The following KCNAB3 variants were observed in gnomAD, a reference collection of about 807,000 sequenced individuals.
KCNAB3 encodes the protein potassium voltage-gated channel subfamily A regulatory beta subunit 3.
In KCNAB3, 62 loss-of-function variants were observed where a neutral mutation model predicts 67.7. The observed-to-expected ratio is 0.92, with a 90% CI of 0.75 to 1.13. The LOEUF is 1.13. Among genes scored for constraint, KCNAB3 ranks in the 50% most tolerant of loss-of-function variants. The pLI, the probability that KCNAB3 is intolerant of heterozygous loss-of-function variation, is 0.00. For missense variants in KCNAB3, 514 were observed against 522.9 expected (o/e 0.98, Z 0.17); for synonymous variants, 212 against 205.4 (o/e 1.03, Z -0.27).
At position 7,929,283 on chromosome 17, in the gene KCNAB3, G is replaced by T; in HGVS notation, c.153C>A (p.Pro51=). The T allele has an allele frequency of 6.3e-7, 1 of 1,592,800 alleles. No individual in the cohort carries two copies. The highest frequency in any genetic ancestry group is 8.5e-7 in the Non-Finnish European group (1 of 1,170,392). ...GGGGAACCAGTGCAGCTCGGGCCTTGGGGCCAGACCCTCCACCCCCCGGAG... is the reference window on the plus strand; with the variant it reads ...GGGGAACCAGTGCAGCTCGGGCCTTTGGGCCAGACCCTCCACCCCCCGGAG... ...GNPPGGGGSG[P]KARAALVPRP... The change falls in exon 1 of 14, where the codon CCC becomes CCA. Residue 51 remains proline (P), a synonymous_variant. Transcript: ENST00000303790. The surrounding 1 kb of genome is among the most constrained non-coding windows in gnomAD (Gnocchi z 5.7).
chr17:7,925,865 C>CCCCCCAA, intron 6 of KCNAB3, 66 bp downstream of exon 6: 1 of 1,463,016 alleles, frequency 6.8e-7, no homozygotes, highest in African/African-American at 1.4e-5. Flanking sequence ...TCCCCACCCC[C>CCCCCCAA]ACCCCATACA....
chr17:7,927,601 C>T, intron 3 of KCNAB3, 56 bp downstream of exon 3: 1 of 1,606,706 alleles, frequency 6.2e-7, no homozygotes, highest in Non-Finnish European at 8.5e-7. Context: ...GTTCACTTCC[C>T]TTTTTTCAAG....
chr17:7,924,056 C>G lies in KCNAB3; in HGVS notation c.839G>C (p.Gly280Ala). 1 of 1,614,118 alleles carries G rather than the reference C, an allele frequency of 6.2e-7. No homozygotes were observed. The highest frequency in any genetic ancestry group is 8.5e-7 in the Non-Finnish European group (1 of 1,180,020). The change falls in exon 11 of 14, where the codon GGA becomes GCA. Residue 280 changes from glycine to alanine, a missense_variant. By Grantham distance (60) the Gly-to-Ala change is moderately conservative. Coordinates refer to ENST00000303790, the MANE Select transcript of KCNAB3 (RefSeq NM_004732.4). ...LPELYHKIGV[G>A]SVTWYPLACG... ...GGCTAGAGGGTACCAAGTGACTGAT[C>G]CAACTCCTAAGGGAAGAACACTGGG...
chr17:7,929,462 GCTCCGA>G lies in KCNAB3; in HGVS notation c.-33_-28del. ...CTGGCTGGCCGAGGCGGGGGAGGGG[GCTCCGA>G]GGGGACGGGAGGGGGGAGCAGGGAA... On this transcript the variant is annotated 5_prime_UTR_variant, in exon 1 of 14. Coordinates refer to ENST00000303790, the MANE Select transcript of KCNAB3 (RefSeq NM_004732.4). This position sits in a 1 kb window ranked among gnomAD's most constrained non-coding sequence, Gnocchi z 5.7. 1 of 1,516,918 alleles carries G rather than the reference GCTCCGA, an allele frequency of 6.6e-7. No individual in the cohort carries two copies. Among genetic ancestry groups the G allele is most frequent in the Non-Finnish European group, 8.9e-7 (1 of 1,124,386 alleles). 94.0% of individuals were successfully genotyped at this position (1,516,918 alleles called of 1,614,324 possible).
In KCNAB3 at chr17:7,924,233, C is replaced by G. The variant is rs753388080; in HGVS notation, c.744G>C (p.Leu248=). The G allele has an allele frequency of 9.3e-6, 15 of 1,614,178 alleles. No homozygotes were observed. Among genetic ancestry groups the G allele is most frequent in the Non-Finnish European group, 1.2e-5 (14 of 1,180,026 alleles). ...CCGCTTGTTCACACACTGGAGGAAT[C>G]AGATTGAACTGTCTGGCCATGGAGT... ...EAYSMARQFN[L]IPPVCEQAEH... is the part of the protein sequence containing the mutation. The change falls in exon 10 of 14, where the codon CTG becomes CTC. Residue 248 remains leucine, a synonymous_variant. Transcript: ENST00000303790.
In KCNAB3 at chr17:7,929,139, C is replaced by G. The variant is rs531918936; in HGVS notation, c.242+55G>C. On this transcript the variant is annotated intron_variant, in intron 1 of 13. Transcript: ENST00000303790. The surrounding 1 kb of genome is among the most constrained non-coding windows in gnomAD (Gnocchi z 5.7). ...GGTCTTGGCGGCCATCTCAAGCAGT[C>G]TCAGGGGTCCCGAAAGGAAAGCGGA... The G allele has an allele frequency of 2.0e-5, 32 of 1,600,720 alleles. No individual in the cohort carries two copies. The African/African-American group carries it at 2.4e-4, about 12-fold the overall frequency.
intron 13 of KCNAB3, 126 bp from the exon 14 acceptor site, chr17:7,923,305 C>CGGGGGG (rs1181826618): frequency 5.6e-6 from 7 of 1,247,582 alleles, no homozygotes; most frequent in Admixed American, 1.8e-5. Context: ...GCAGCTGTGC[C>CGGGGGG]GGTGCCTCGC....
intron 8 of KCNAB3, chr17:7,924,800 T>C: frequency 1.2e-6 from 1 of 822,670 alleles, no homozygotes. Flanking sequence ...TGTAGTTCAG[T>C]GGTGCAATCA....
rs1179192166 is a variant in KCNAB3, at chr17:7,929,615, G to C, written c.-180C>G. 1.3e-5 allele frequency: 19 copies of C among 1,431,832 alleles called. No homozygotes were observed. Among genetic ancestry groups the C allele is most frequent in the African/African-American group, 1.5e-5 (1 of 67,974 alleles). 88.7% of individuals were successfully genotyped at this position (1,431,832 alleles called of 1,614,324 possible). A position where few individuals can be genotyped will look rare whatever the true frequency, so the allele number is the denominator to read the frequency against. On this transcript the variant is annotated 5_prime_UTR_variant, in exon 1 of 14. Coordinates refer to ENST00000303790, the MANE Select transcript of KCNAB3 (RefSeq NM_004732.4). The surrounding 1 kb of genome is among the most constrained non-coding windows in gnomAD (Gnocchi z 5.7). ...CCGCGGGGGCGGGCTGCTGGAGGTC[G>C]CGAGGTTTGCGGCGGGAGGGAAGAA...
Position 7,923,735 on chromosome 17 carries a change from A to G in KCNAB3, c.1024T>C (p.Cys342Arg), listed in dbSNP as rs1260978971. The change falls in exon 12 of 14, where the codon TGC becomes CGC. Residue 342 changes from cysteine (C) to arginine (R), a missense_variant. Transcript: ENST00000303790. ...DLLPVAHQLGCTVAQLAIAWC... is the reference protein window; with the variant it reads ...DLLPVAHQLGRTVAQLAIAWC... ...CCAATAGCAAGCTGGGCCACGGTGC[A>G]GCCCAGCTGGTGAGCGACAGGAAGA... is the stretch of plus-strand genomic sequence containing the variant. 3.2e-6 allele frequency: 5 copies of G among 1,566,968 alleles called. No individual in the cohort carries two copies. The highest frequency in any genetic ancestry group is 4.3e-6 in the Non-Finnish European group (5 of 1,154,948).
chr17:7,924,689 G>T, intron 8 of KCNAB3, 189 bp from the exon 9 acceptor site: 1 of 1,363,820 alleles, frequency 7.3e-7, no homozygotes, highest in South Asian at 2.0e-5. Flanking sequence ...AGTTTTGGAG[G>T]CCTTCTGAGC....
chr17:7,926,223 C>T (rs780195384), intron 4 of KCNAB3, 120 bp from the exon 5 acceptor site: 2 of 1,098,500 alleles, frequency 1.8e-6, no homozygotes, highest in Admixed American at 4.1e-5. Context: ...TTTCAGCTCA[C>T]AGCCCCATCC....
In KCNAB3 at chr17:7,929,062, G is replaced by C; in HGVS notation, c.242+132C>G. 1 of 1,359,118 alleles carries C rather than the reference G, an allele frequency of 7.4e-7. No individual in the cohort carries two copies. The highest frequency in any genetic ancestry group is 2.5e-5 in the East Asian group (1 of 40,364). 84.2% of individuals were successfully genotyped at this position (1,359,118 alleles called of 1,614,324 possible). On this transcript the variant is annotated intron_variant, in intron 1 of 13. Transcript: ENST00000303790. The surrounding 1 kb of genome is among the most constrained non-coding windows in gnomAD (Gnocchi z 5.7). ...AGGGACAAAGTGAGGGAGTGCCAGAGACAGAAAGAAGAGATGGAAAGAAGG... is the reference window on the plus strand; with the variant it reads ...AGGGACAAAGTGAGGGAGTGCCAGACACAGAAAGAAGAGATGGAAAGAAGG...
intron 7 of KCNAB3, 26 bp downstream of exon 7, chr17:7,925,657 T>C (rs757010880): frequency 1.9e-6 from 3 of 1,613,146 alleles, no homozygotes; most frequent in Non-Finnish European, 2.5e-6. Context: ...TCCCCTCACT[T>C]TGGGTTTCCA....
intron 1 of KCNAB3, among the ~76,000 whole-genome samples, chr17:7,928,518 G>A (rs767712315): frequency 6.6e-6 from 1 of 152,046 alleles, no homozygotes; most frequent in African/African-American, 2.4e-5. Context: ...ATATAGAGGG[G>A]ATCAGATTCC....
Position 7,922,952 on chromosome 17 carries a change from TCACTACTCGAAG to T in KCNAB3, c.*138_*149del. The T allele has an allele frequency of 1.4e-6, 1 of 705,552 alleles. No homozygotes were observed. The highest frequency in any genetic ancestry group is 2.5e-6 in the Non-Finnish European group (1 of 394,532). The allele number at this position is 705,552 out of a possible 1,614,324, so 43.7% of individuals were successfully genotyped here. On this transcript the variant is annotated 3_prime_UTR_variant, in exon 14 of 14. Transcript: ENST00000303790. ...AAGGATATGGCTTTGTTCATGCGTA[TCACTACTCGAAG>T]CCGGGACTCGTTGGTGGGCGGGGCT...
Position 7,925,139 on chromosome 17 carries a change from T to C in KCNAB3, c.583A>G (p.Ile195Val). Reference protein sequence around the residue: ...LERLQLGYVDIVFANRSDPNC... With the variant: ...LERLQLGYVDVVFANRSDPNC... ...GGGTCTGAGCGATTGGCAAAGACAA[T>C]GTCCACGTATCCCAGCTGGAGGCGT... The change falls in exon 8 of 14, where the codon ATT becomes GTT. Residue 195 changes from isoleucine (I) to valine (V), a missense_variant. By Grantham distance (29) the Ile-to-Val change is conservative. Coordinates refer to ENST00000303790, the MANE Select transcript of KCNAB3 (RefSeq NM_004732.4). The C allele has an allele frequency of 1.2e-6, 2 of 1,613,724 alleles. No homozygotes were observed. Among genetic ancestry groups the C allele is most frequent in the Non-Finnish European group, 1.7e-6 (2 of 1,179,794 alleles).
chr17:7,927,378 G>C lies in KCNAB3; in HGVS notation c.370C>G (p.Leu124Val). ...GCGTACACTTCGGCGGTGTCAAACAGGTTTACACCATGCTCATAGGCTACA... is the reference window on the plus strand; with the variant it reads ...GCGTACACTTCGGCGGTGTCAAACACGTTTACACCATGCTCATAGGCTACA... ...LTVAYEHGVN[L>V]FDTAEVYAAG... Residue 124 changes from leucine (L) to valine (V), a missense_variant, in exon 4 of 14, where the codon CTG (leucine) becomes GTG (valine). Transcript: ENST00000303790. The C allele has an allele frequency of 6.2e-7, 1 of 1,613,940 alleles. No individual in the cohort carries two copies. Among genetic ancestry groups the C allele is most frequent in the South Asian group, 1.1e-5 (1 of 91,082 alleles).
At chr17:7,924,536 A>C (rs900461176) in intron 8 of KCNAB3, 36 bp from the exon 9 acceptor site, 18 of 1,579,368 alleles carry the variant, frequency 1.1e-5, no homozygotes, top group Non-Finnish European at 1.5e-5. Context: ...TTACTGTCAG[A>C]GCCCTGGAAT....
Sources: allele counts gnomAD v4.1 joint callset (sites outside exome capture counted in the v4.1 genomes callset), GRCh38; gene constraint gnomAD v4.1.1; non-coding constraint Gnocchi (gnomAD v3.1); transcripts MANE v1.5; gene names NCBI Gene and HGNC (gene_info 2026-07-23, HGNC 2026-07-21).